NEMP2: variants seen among roughly 807,000 people sequenced by gnomAD.
NEMP2 encodes the protein UPF0571 transmembrane protein.
In NEMP2, 53 loss-of-function variants were observed where a neutral mutation model predicts 54.2. The observed-to-expected ratio is 0.98, with a 90% CI of 0.78 to 1.23. The LOEUF (loss-of-function observed/expected upper bound fraction) is 1.23. NEMP2 is among the 50% of genes most tolerant of loss of function. NEMP2 has a pLI of 0.00. For missense variants in NEMP2, 455 were observed against 511.3 expected, an observed-to-expected ratio of 0.89 and a Z score of 1.06; for synonymous variants, 197 against 190.3, an observed-to-expected ratio of 1.04 and a Z score of -0.29.
the NEMP2 span, among the ~76,000 whole-genome samples, chr2:190,455,277 CT>C: frequency 7.1e-6 from 1 of 141,056 alleles, no homozygotes. Flanking sequence ...TTATTCATAG[CT>C]CTATTAATTA....
At chr2:190,511,546 A>T (rs896804453) in intron 7 of NEMP2, among the ~76,000 whole-genome samples, 17 of 148,610 alleles carry the variant, frequency 1.1e-4, no homozygotes, top group Admixed American at 1.3e-4. Context: ...TTTTTAAATT[A>T]AATTTAATTT....
the NEMP2 span, among the ~76,000 whole-genome samples, chr2:190,446,236 A>G: frequency 4.6e-5 from 7 of 152,274 alleles, no homozygotes; most frequent in East Asian, 9.6e-4. Context: ...TAATCATAGA[A>G]TTATTACAAA....
At chr2:190,648,710 C>T in the NEMP2 span, among the ~76,000 whole-genome samples, 3 of 151,454 alleles carry the variant, frequency 2.0e-5, no homozygotes, top group Non-Finnish European at 2.9e-5. Context: ...TTTGTCGTCC[C>T]CTCCCCGCGC....
chr2:190,629,351 T>A, the NEMP2 span, among the ~76,000 whole-genome samples: 1 of 152,212 alleles, frequency 6.6e-6, no homozygotes, highest in South Asian at 2.1e-4. Context: ...AATAAACTTG[T>A]ACTAACTTGT....
chr2:190,427,628 T>C, the NEMP2 span, among the ~76,000 whole-genome samples: 1 of 152,190 alleles, frequency 6.6e-6, no homozygotes, highest in East Asian at 1.9e-4. Flanking sequence ...GTCTTCTATG[T>C]TTACTTTATA....
the NEMP2 span, chr2:190,454,140 G>A: frequency 4.6e-5 from 7 of 152,078 alleles, no homozygotes; most frequent in African/African-American, 1.2e-4. This position sits in a 1 kb window ranked among gnomAD's most constrained non-coding sequence, Gnocchi z 4.6. Context: ...GAAAACAGTT[G>A]TTTTATTACA....
chr2:190,452,640 AC>A, the NEMP2 span, among the ~76,000 whole-genome samples: 2 of 152,138 alleles, frequency 1.3e-5, no homozygotes, highest in Admixed American at 1.3e-4. Flanking sequence ...ACCCAGTCTC[AC>A]CTCTTAGTCT....
chr2:190,538,919 C>T (rs1691461882), upstream of NEMP2, among the ~76,000 whole-genome samples: 1 of 152,106 alleles, frequency 6.6e-6, no homozygotes. This position sits in a 1 kb window ranked among gnomAD's most constrained non-coding sequence, Gnocchi z 4.1. Flanking sequence ...GTTGTCTCTT[C>T]CGTTTGTTGA....
the NEMP2 span, among the ~76,000 whole-genome samples, chr2:190,427,738 T>C: frequency 5.4e-5 from 8 of 148,264 alleles, no homozygotes; most frequent in African/African-American, 7.6e-5. Context: ...TTTTTTTTTT[T>C]CTTTTTTTTT....
the NEMP2 span, among the ~76,000 whole-genome samples, chr2:190,543,893 C>T: frequency 6.6e-6 from 1 of 152,122 alleles, no homozygotes; most frequent in Admixed American, 6.5e-5. The surrounding 1 kb of genome is among the most constrained non-coding windows in gnomAD (Gnocchi z 4.7). Context: ...TTTTCAGTAA[C>T]TGTCATGGGC....
At chr2:190,611,584 A>T in the NEMP2 span, among the ~76,000 whole-genome samples, 1 of 152,212 alleles carries the variant, frequency 6.6e-6, no homozygotes, top group African/African-American at 2.4e-5. The surrounding 1 kb of genome is among the most constrained non-coding windows in gnomAD (Gnocchi z 5.4). Flanking sequence ...ACTTTGGCCA[A>T]TATGTTTACA....
the NEMP2 span, among the ~76,000 whole-genome samples, chr2:190,473,340 C>G: frequency 2.6e-5 from 4 of 152,068 alleles, no homozygotes; most frequent in African/African-American, 4.8e-5. Flanking sequence ...TTCAGGAAAC[C>G]CATCTCACGT....
chr2:190,431,258 G>C, the NEMP2 span, among the ~76,000 whole-genome samples: 49 of 151,706 alleles, frequency 3.2e-4, no homozygotes, highest in Non-Finnish European at 4.9e-4. The surrounding 1 kb of genome is among the most constrained non-coding windows in gnomAD (Gnocchi z 4.4). Context: ...ACCTCCCAGA[G>C]GATGGGCGGC....
the NEMP2 span, among the ~76,000 whole-genome samples, chr2:190,596,061 A>G: frequency 2.6e-5 from 4 of 152,334 alleles, no homozygotes; most frequent in East Asian, 7.7e-4. This position sits in a 1 kb window ranked among gnomAD's most constrained non-coding sequence, Gnocchi z 5.1. Context: ...ATGGAATACT[A>G]TGCAGCCATA....
chr2:190,488,266 A>G, the NEMP2 span, among the ~76,000 whole-genome samples: 17 of 152,380 alleles, frequency 1.1e-4, no homozygotes, highest in East Asian at 3.3e-3. The surrounding 1 kb of genome is among the most constrained non-coding windows in gnomAD (Gnocchi z 6.4). Context: ...CATTAATCAA[A>G]GTAGCAGAAG....
chr2:190,622,347 G>A, the NEMP2 span, among the ~76,000 whole-genome samples: 60,086 of 151,428 alleles, frequency 0.4, 12,661 homozygotes, highest in Admixed American at 0.58. Flanking sequence ...GGCCGAGGTT[G>A]CAGTGAGCTA....
At chr2:190,463,849 A>G in the NEMP2 span, 6 of 975,438 alleles carry the variant, frequency 6.2e-6, no homozygotes, top group South Asian at 2.4e-4. The surrounding 1 kb of genome is among the most constrained non-coding windows in gnomAD (Gnocchi z 4.4). Flanking sequence ...AAATAAAAAT[A>G]AAAAGCTGAG....
the NEMP2 span, chr2:190,436,710 G>A: frequency 6.2e-7 from 1 of 1,614,060 alleles, no homozygotes; most frequent in African/African-American, 1.3e-5. This position sits in a 1 kb window ranked among gnomAD's most constrained non-coding sequence, Gnocchi z 5.3. Context: ...CCACTCTGCA[G>A]CCCCAGACAG....
At chr2:190,476,961 A>C in the NEMP2 span, among the ~76,000 whole-genome samples, 1 of 149,748 alleles carries the variant, frequency 6.7e-6, no homozygotes, top group Non-Finnish European at 1.5e-5. Flanking sequence ...AGGACAAAAA[A>C]CCAAACACCG....
Sources: gnomAD v4.1 joint callset for allele counts (sites outside exome capture counted in the v4.1 genomes callset) on GRCh38, gnomAD v4.1.1 for gene constraint, Gnocchi (gnomAD v3.1) non-coding constraint, MANE v1.5 for transcripts, NCBI Gene and HGNC (gene_info 2026-07-23, HGNC 2026-07-21) for gene names.